PIEZO2: variants seen among roughly 807,000 people sequenced by gnomAD.
The protein encoded by PIEZO2 is piezo type mechanosensitive ion channel component 2, also known as piezo-type mechanosensitive ion channel component 2.
In PIEZO2, 172 loss-of-function variants were observed where a neutral mutation model predicts 337.3. The ratio of observed to expected loss-of-function variants is 0.51; its 90% CI spans 0.45 to 0.58. PIEZO2 has a LOEUF of 0.58. PIEZO2 is among the 20% of genes least tolerant of loss of function. The pLI is 0.00. For synonymous variants in PIEZO2, 1,251 were observed against 1,228.5 expected (o/e 1.02, Z -0.38); for missense variants, 3,028 against 3,391.3 (o/e 0.89, Z 2.66).
At position 10,833,992 on chromosome 18, in the gene PIEZO2, G is replaced by C. The variant is rs1196390491; in HGVS notation, c.917+21361C>G. On this transcript the variant is annotated intron_variant, in intron 7 of 55. Transcript: ENST00000674853. This position sits in a 1 kb window ranked among gnomAD's most constrained non-coding sequence, Gnocchi z 4.7. ...ATTTAGAATACAGGCTTCAGAATTA[G>C]AGTTTTAAACATTTTAAGCTAATTT... 6.6e-6 allele frequency among the ~76,000 whole-genome samples: 1 copy of C among 152,170 alleles called. No homozygotes were observed. The highest frequency in any genetic ancestry group is 1.5e-5 in the Non-Finnish European group (1 of 68,028).
chr18:10,753,020 C>G (rs1376869297), intron 27 of PIEZO2, 141 bp from the exon 28 acceptor site: 1 of 1,104,998 alleles, frequency 9.0e-7, no homozygotes, highest in East Asian at 2.6e-5. Flanking sequence ...TTTAATCCTG[C>G]TATCTAGGAA....
chr18:10,905,823 T>C (rs975476836), intron 4 of PIEZO2, among the ~76,000 whole-genome samples: 2 of 152,174 alleles, frequency 1.3e-5, no homozygotes, highest in African/African-American at 4.8e-5. Context: ...TAAGAAGTCA[T>C]TAATCTATCC....
intron 2 of PIEZO2, among the ~76,000 whole-genome samples, chr18:11,034,802 G>A (rs1017230208): frequency 6.6e-6 from 1 of 152,040 alleles, no homozygotes. Flanking sequence ...CCAAGACCGC[G>A]CCATTGCACT....
intron 36 of PIEZO2, among the ~76,000 whole-genome samples, chr18:10,730,067 G>C (rs1304066894): frequency 1.3e-5 from 2 of 152,176 alleles, no homozygotes; most frequent in Non-Finnish European, 2.9e-5. Flanking sequence ...TCTTAGACAT[G>C]TGTGTTTGTG....
At chr18:10,897,252 C>A (rs1023205708) in intron 4 of PIEZO2, among the ~76,000 whole-genome samples, 2 of 151,712 alleles carry the variant, frequency 1.3e-5, no homozygotes, top group Non-Finnish European at 2.9e-5. Context: ...AGTGGTGCAA[C>A]CTCGGCTCAC....
At chr18:10,808,006 A>G (rs1444406045) in intron 7 of PIEZO2, among the ~76,000 whole-genome samples, 2 of 152,162 alleles carry the variant, frequency 1.3e-5, no homozygotes, top group Admixed American at 6.6e-5. Context: ...TTGATGGGCA[A>G]TTTTTCTAAG....
chr18:10,756,991 G>GGGGAATGAAGATGAGCTATGGAGATAAGA (rs1568022832), intron 27 of PIEZO2, among the ~76,000 whole-genome samples: 1 of 150,926 alleles, frequency 6.6e-6, no homozygotes, highest in African/African-American at 2.4e-5. Flanking sequence ...AGATGAGAAG[G>GGGGAATGAAGATGAGCTATGGAGATAAGA]AGGAATGCAG....
rs1041881917 is a variant in PIEZO2 at position 11,032,344 on chromosome 18, G to C, written c.160+33783C>G. ...GTAAGTGACATTTACACCACTCCTG[G>C]ACATTCATTTCCGTGTCTGCAGACA... On this transcript the variant is annotated intron_variant, in intron 2 of 55. Coordinates refer to ENST00000674853, the MANE Select transcript of PIEZO2 (RefSeq NM_001378183.1). The surrounding 1 kb of genome is among the most constrained non-coding windows in gnomAD (Gnocchi z 4.9). 6.6e-6 allele frequency among the ~76,000 whole-genome samples: 1 copy of C among 152,158 alleles called. No individual in the cohort carries two copies. Among genetic ancestry groups the C allele is most frequent in the African/African-American group, 2.4e-5 (1 of 41,444 alleles).
rs774611211 is a variant in PIEZO2, at chr18:11,128,079, C to A, written c.64+20446G>T. On this transcript the variant is annotated intron_variant, in intron 1 of 55. Coordinates refer to ENST00000674853, the MANE Select transcript of PIEZO2 (RefSeq NM_001378183.1). This position sits in a 1 kb window ranked among gnomAD's most constrained non-coding sequence, Gnocchi z 4.1. ...AATGCATTTGACACTCCTGATTCAC[C>A]ACTCATGACAGGCAAGGAGTTTAGT... 3.3e-5 allele frequency among the ~76,000 whole-genome samples: 5 copies of A among 152,078 alleles called. No individual in the cohort carries two copies. Among genetic ancestry groups the A allele is most frequent in the Non-Finnish European group, 5.9e-5 (4 of 68,028 alleles).
rs2039442298 is a variant in PIEZO2, at chr18:11,102,255, A to G, written c.65-36033T>C. On this transcript the variant is annotated intron_variant, in intron 1 of 55. Transcript: ENST00000674853. This position sits in a 1 kb window ranked among gnomAD's most constrained non-coding sequence, Gnocchi z 5.7. ...AAAAATACATTCTAATTTAAAATGT[A>G]TCCAGTGAGCTTAATCTTCCCTTGC... Among the ~76,000 whole-genome samples the G allele has an allele frequency of 6.6e-6, 1 of 152,236 alleles. No homozygotes were observed. Among genetic ancestry groups the G allele is most frequent in the African/African-American group, 2.4e-5 (1 of 41,462 alleles).
intron 3 of PIEZO2, among the ~76,000 whole-genome samples, chr18:10,960,426 T>G (rs1361423807): frequency 6.6e-6 from 1 of 152,132 alleles, no homozygotes; most frequent in Non-Finnish European, 1.5e-5. Flanking sequence ...ACCCTAAAAG[T>G]ATTAAAAACA....
At chr18:10,751,535 A>G (rs1362380337) in intron 28 of PIEZO2, among the ~76,000 whole-genome samples, 2 of 152,222 alleles carry the variant, frequency 1.3e-5, no homozygotes, top group Admixed American at 1.3e-4. Context: ...GACAAAATAA[A>G]TTATCCAAAT....
rs534694927 is a variant in PIEZO2 at position 10,756,681 on chromosome 18, T to A, written c.3923+1288A>T. ...GAGCTATGAGGATGAGGAGGAGGGA[T>A]GCAGGATGAGAAGGAGAAATGGAGG... On this transcript the variant is annotated intron_variant, in intron 27 of 55. Coordinates refer to ENST00000674853, the MANE Select transcript of PIEZO2 (RefSeq NM_001378183.1). Among the ~76,000 whole-genome samples the A allele has an allele frequency of 5.0e-5, 7 of 140,078 alleles. No individual in the cohort carries two copies. The South Asian group carries it at 1.4e-3, about 28-fold the overall frequency. The allele number at this position is 140,078 out of a possible 152,430, so 91.9% of individuals were successfully genotyped here.
At chr18:11,066,022 G>C (rs1212792265) in intron 2 of PIEZO2, 105 bp downstream of exon 2, 6 of 865,220 alleles carry the variant, frequency 6.9e-6, no homozygotes, top group Non-Finnish European at 1.1e-5. Flanking sequence ...TAGCCCTGCT[G>C]CATAGATAAC....
chr18:10,835,256 A>G (rs1187607075), intron 7 of PIEZO2, among the ~76,000 whole-genome samples: 1 of 151,390 alleles, frequency 6.6e-6, no homozygotes, highest in African/African-American at 2.4e-5. Flanking sequence ...TCCTAGGTTA[A>G]AGGCCTCTCC....
intron 2 of PIEZO2, among the ~76,000 whole-genome samples, chr18:11,023,506 C>T (rs940046447): frequency 6.6e-6 from 1 of 152,202 alleles, no homozygotes; most frequent in Non-Finnish European, 1.5e-5. Flanking sequence ...TATGGAGTGC[C>T]GATTGGTGTA....
chr18:10,758,439 G>T (rs2037977577), intron 26 of PIEZO2, among the ~76,000 whole-genome samples: 1 of 152,070 alleles, frequency 6.6e-6, no homozygotes, highest in Non-Finnish European at 1.5e-5. Context: ...CTCTTAGAGG[G>T]TAACATTTTT....
chr18:10,724,843 C>T lies in PIEZO2; in HGVS notation c.5029+6564G>A, dbSNP rs559408758. The T allele has an allele frequency of 5.6e-6, 9 of 1,602,134 alleles. No homozygotes were observed. Among genetic ancestry groups the T allele is most frequent in the South Asian group, 5.6e-5 (5 of 89,666 alleles). ...ACAGATGCACCTGGGCCACGGCGGC[C>T]ACATGCGTCGCAGTGAGAGCACCTA... On this transcript the variant is annotated intron_variant, in intron 36 of 55. Coordinates refer to ENST00000674853, the MANE Select transcript of PIEZO2 (RefSeq NM_001378183.1). This position sits in a 1 kb window ranked among gnomAD's most constrained non-coding sequence, Gnocchi z 5.8.
At chr18:10,882,678 A>G (rs2144861405) in intron 4 of PIEZO2, among the ~76,000 whole-genome samples, 1 of 151,852 alleles carries the variant, frequency 6.6e-6, no homozygotes, top group Middle Eastern at 3.4e-3. Context: ...GAGATCCATT[A>G]TTTTAGCTCC....
Sources: gnomAD v4.1 joint callset for allele counts (sites outside exome capture counted in the v4.1 genomes callset) on GRCh38, gnomAD v4.1.1 for gene constraint, Gnocchi (gnomAD v3.1) non-coding constraint, MANE v1.5 for transcripts, NCBI Gene and HGNC (gene_info 2026-07-23, HGNC 2026-07-21) for gene names.